Variants in PDSS2 observed in about 807,000 individuals in gnomAD.
PDSS2 encodes decaprenyl diphosphate synthase subunit 2.
PDSS2 carries 31 observed loss-of-function variants against 44.5 expected under a neutral mutation model. The ratio of observed to expected loss-of-function variants is 0.70; its 90% CI spans 0.52 to 0.94. The LOEUF is 0.94. Among genes scored for constraint, PDSS2 ranks in the 40% least tolerant of loss-of-function variants. The pLI, the probability that PDSS2 is intolerant of heterozygous loss-of-function variation, is 0.00. For synonymous variants in PDSS2, 157 were observed against 180.3 expected, an observed-to-expected ratio of 0.87 and a Z score of 1.03; for missense variants, 452 against 482.2, an observed-to-expected ratio of 0.94 and a Z score of 0.59.
At chr6:107,255,708 C>A (rs1218908003) in intron 3 of PDSS2, among the ~76,000 whole-genome samples, 3 of 151,986 alleles carry the variant, frequency 2.0e-5, no homozygotes, top group African/African-American at 7.2e-5. Context: ...TATTCAATAT[C>A]ATGCTGAAAA....
chr6:107,154,071 A>C lies in PDSS2; in HGVS notation c.*548T>G, dbSNP rs1770798693. On this transcript the variant is annotated 3_prime_UTR_variant, in exon 8 of 8. Transcript: ENST00000369037. ...GCCTGGGCAACAAGAGCAAAACTAC[A>C]TCTAAAAAAAAAATAATAATAATCC... 6.9e-6 allele frequency: 1 copy of C among 145,764 alleles called. No homozygotes were observed. Among genetic ancestry groups the C allele is most frequent in the African/African-American group, 2.4e-5 (1 of 41,136 alleles). The allele number at this position is 145,764 out of a possible 1,614,324, so 9.0% of individuals were successfully genotyped here.
intron 2 of PDSS2, among the ~76,000 whole-genome samples, chr6:107,313,029 C>A (rs1324638983): frequency 6.6e-6 from 1 of 152,178 alleles, no homozygotes; most frequent in Admixed American, 6.5e-5. Context: ...TCTTCACCTC[C>A]CCGGGGCTCC....
intron 2 of PDSS2, among the ~76,000 whole-genome samples, chr6:107,284,127 G>C (rs905863849): frequency 1.3e-5 from 2 of 151,864 alleles, no homozygotes; most frequent in Non-Finnish European, 2.9e-5. Flanking sequence ...AAAGACAATG[G>C]AGCCTTCTTT....
chr6:107,159,755 T>C (rs1771056546), intron 7 of PDSS2, among the ~76,000 whole-genome samples: 1 of 152,084 alleles, frequency 6.6e-6, no homozygotes, highest in South Asian at 2.1e-4. Context: ...TCCAAATTGA[T>C]ATTAGGCAGA....
intron 4 of PDSS2, among the ~76,000 whole-genome samples, chr6:107,221,346 A>G (rs1007885419): frequency 0.064 from 1,918 of 30,012 alleles, 75 homozygotes; most frequent in African/African-American, 0.16. Flanking sequence ...CGTCTCGAAA[A>G]AAAAAAAAAA....
At chr6:107,168,178 A>G (rs1554247869) in intron 7 of PDSS2, among the ~76,000 whole-genome samples, 3 of 152,180 alleles carry the variant, frequency 2.0e-5, no homozygotes, top group Admixed American at 1.3e-4. Context: ...GGGTGCATAT[A>G]TATTTAGGAG....
At chr6:107,214,522 T>C (rs907295493) in intron 4 of PDSS2, among the ~76,000 whole-genome samples, 14 of 152,162 alleles carry the variant, frequency 9.2e-5, no homozygotes, top group Non-Finnish European at 1.9e-4. Context: ...AGCAAACATA[T>C]AAAACCATGT....
chr6:107,206,860 C>T (rs1233371237), intron 6 of PDSS2, among the ~76,000 whole-genome samples: 3 of 152,074 alleles, frequency 2.0e-5, no homozygotes, highest in Admixed American at 1.3e-4. Flanking sequence ...CTAACAAAAC[C>T]GGGCTGCCAC....
At chr6:107,248,845 C>T (rs1774718669) in intron 3 of PDSS2, among the ~76,000 whole-genome samples, 1 of 152,192 alleles carries the variant, frequency 6.6e-6, no homozygotes, top group South Asian at 2.1e-4. Context: ...TTCACATGAA[C>T]CTTTCCCTCT....
chr6:107,438,340 C>T (rs1781417004), intron 1 of PDSS2, among the ~76,000 whole-genome samples: 3 of 152,222 alleles, frequency 2.0e-5, no homozygotes, highest in South Asian at 4.2e-4. Context: ...TCCCAAGTAG[C>T]TGGAATTACA....
intron 1 of PDSS2, among the ~76,000 whole-genome samples, chr6:107,451,708 T>C (rs319086): frequency 0.89 from 136,197 of 152,218 alleles, 61,039 homozygotes; most frequent in Admixed American, 0.93. Context: ...TTTACCCTCA[T>C]GTCCTCACCA....
At position 107,245,613 on chromosome 6, in the gene PDSS2, C is replaced by T. The variant is rs2114805307; in HGVS notation, c.637G>A (p.Glu213Lys). 1 of 1,575,998 alleles carries T rather than the reference C, an allele frequency of 6.3e-7. No homozygotes were observed. Among genetic ancestry groups the T allele is most frequent in the East Asian group, 2.3e-5 (1 of 44,346 alleles). ...TCCATAAGAGCACTTGCTAAAAGTT[C>T]CACAACCTAAAAAGCAAGAAGAAAA... The part of the protein sequence containing the change: ...LALLQNTKVV[E>K]LLASALMDLV... The change falls in exon 4 of 8, where the codon GAA becomes AAA. Residue 213 changes from glutamate (E) to lysine (K), a missense_variant. Coordinates refer to ENST00000369037, the MANE Select transcript of PDSS2 (RefSeq NM_020381.4).
intron 7 of PDSS2, among the ~76,000 whole-genome samples, chr6:107,172,240 A>G (rs570365987): frequency 6.6e-6 from 1 of 152,358 alleles, no homozygotes; most frequent in South Asian, 2.1e-4. Context: ...GACCCTCTTG[A>G]GAAAATCACT....
At chr6:107,364,504 G>C (rs1163437705) in intron 1 of PDSS2, among the ~76,000 whole-genome samples, 1 of 152,250 alleles carries the variant, frequency 6.6e-6, no homozygotes, top group Non-Finnish European at 1.5e-5. Context: ...GTCCCCCATT[G>C]CCCGGGGCCA....
At chr6:107,306,083 A>G (rs1776850516) in intron 2 of PDSS2, among the ~76,000 whole-genome samples, 1 of 152,204 alleles carries the variant, frequency 6.6e-6, no homozygotes, top group African/African-American at 2.4e-5. Flanking sequence ...CATATGGGTG[A>G]CAGAAGTACA....
intron 7 of PDSS2, among the ~76,000 whole-genome samples, chr6:107,174,862 C>T (rs1022892799): frequency 6.6e-6 from 1 of 152,082 alleles, no homozygotes; most frequent in Non-Finnish European, 1.5e-5. Context: ...ATAATAACAG[C>T]AATGACAATA....
chr6:107,321,022 A>G (rs1777365256), intron 2 of PDSS2, among the ~76,000 whole-genome samples: 1 of 152,246 alleles, frequency 6.6e-6, no homozygotes, highest in Non-Finnish European at 1.5e-5. Flanking sequence ...CCTGTTTACC[A>G]AGAAAAGCAA....
At chr6:107,226,879 G>A (rs1025140333) in intron 4 of PDSS2, among the ~76,000 whole-genome samples, 2 of 151,724 alleles carry the variant, frequency 1.3e-5, no homozygotes, top group Non-Finnish European at 2.9e-5. Flanking sequence ...CACCATGTTG[G>A]TCAGGCTGGT....
At chr6:107,222,770 A>G (rs915022115) in intron 4 of PDSS2, among the ~76,000 whole-genome samples, 1 of 152,090 alleles carries the variant, frequency 6.6e-6, no homozygotes, top group African/African-American at 2.4e-5. Flanking sequence ...TTCTTAGCAC[A>G]TAACAGAATA....
Sources: allele counts gnomAD v4.1 joint callset (sites outside exome capture counted in the v4.1 genomes callset), GRCh38; gene constraint gnomAD v4.1.1; transcripts MANE v1.5; gene names NCBI Gene and HGNC (gene_info 2026-07-23, HGNC 2026-07-21).